The following NTN4 variants were observed in gnomAD, a reference collection of about 807,000 sequenced individuals.
NTN4 encodes the protein netrin-4.
In NTN4, 32 loss-of-function variants were observed where a neutral mutation model predicts 73.6. That is an observed-to-expected ratio of 0.44 (90% CI 0.33 to 0.58). The LOEUF is 0.58. Among genes scored for constraint, NTN4 ranks in the 20% least tolerant of loss-of-function variants. The pLI is 0.04. For synonymous variants in NTN4, 258 were observed against 287.5 expected (o/e 0.90, Z 1.04); for missense variants, 654 against 798.3 (o/e 0.82, Z 2.18).
At chr12:95,672,746 A>G in intron 7 of NTN4, 1 of 1,374,940 alleles carries the variant, frequency 7.3e-7, no homozygotes, top group Non-Finnish European at 1.0e-6. Flanking sequence ...CTCACAGATG[A>G]TCAGCTATCC....
chr12:95,779,780 T>C (rs1477775708), intron 2 of NTN4, among the ~76,000 whole-genome samples: 1 of 152,204 alleles, frequency 6.6e-6, no homozygotes, highest in Non-Finnish European at 1.5e-5. Flanking sequence ...TACCAATGAC[T>C]TTCTTCACAA....
intron 5 of NTN4, among the ~76,000 whole-genome samples, chr12:95,703,934 A>C (rs903661279): frequency 2.0e-5 from 3 of 152,158 alleles, no homozygotes; most frequent in Non-Finnish European, 4.4e-5. Context: ...AACCTTAAAA[A>C]AAAATTTTTA....
At chr12:95,710,139 G>T (rs2121082022) in intron 5 of NTN4, among the ~76,000 whole-genome samples, 1 of 152,246 alleles carries the variant, frequency 6.6e-6, no homozygotes, top group East Asian at 1.9e-4. Flanking sequence ...ATCTTAAATA[G>T]CTCTCCCTCT....
At position 95,790,043 on chromosome 12, in the gene NTN4, C is replaced by G; in HGVS notation, c.55+212G>C. On this transcript the variant is annotated intron_variant, in intron 1 of 9. Transcript: ENST00000343702. This position sits in a 1 kb window ranked among gnomAD's most constrained non-coding sequence, Gnocchi z 6.5. ...GGGCGCACCCAGGATAGCTGGTTATCCAAGCGCATGTGTATCCCAGTTGTA... is the reference window on the plus strand; with the variant it reads ...GGGCGCACCCAGGATAGCTGGTTATGCAAGCGCATGTGTATCCCAGTTGTA... 1 of 449,698 alleles carries G rather than the reference C, an allele frequency of 2.2e-6. No homozygotes were observed. The highest frequency in any genetic ancestry group is 4.0e-6 in the Non-Finnish European group (1 of 250,380). The allele number at this position is 449,698 out of a possible 1,614,324, so 27.9% of individuals were successfully genotyped here. A position where few individuals can be genotyped will look rare whatever the true frequency, so the allele number is the denominator to read the frequency against.
chr12:95,710,414 A>T, intron 5 of NTN4, 27 bp downstream of exon 5: 2 of 1,586,708 alleles, frequency 1.3e-6, no homozygotes, highest in Non-Finnish European at 1.7e-6. Context: ...AAATCAGCCT[A>T]TTTTCTGGAA....
rs2078328802 is a variant in NTN4 at position 95,682,768 on chromosome 12, A to G, written c.1449T>C (p.Asn483=). The change falls in exon 7 of 10, where the codon AAT becomes AAC. Residue 483 remains asparagine (N), a synonymous_variant. Coordinates refer to ENST00000343702, the MANE Select transcript of NTN4 (RefSeq NM_021229.4). ...CCCACTCCCAGGCTGGTTCGCTCTTATTGTGCACGGGACGGAAGTCAGGAA... is the reference window on the plus strand; with the variant it reads ...CCCACTCCCAGGCTGGTTCGCTCTTGTTGTGCACGGGACGGAAGTCAGGAA... ...HEVPDFRPVH[N]KSEPAWEWED... The G allele has an allele frequency of 1.9e-6, 3 of 1,613,858 alleles. No homozygotes were observed. The highest frequency in any genetic ancestry group is 3.3e-4 in the Middle Eastern group (2 of 6,062).
intron 1 of NTN4, among the ~76,000 whole-genome samples, chr12:95,788,550 C>T (rs754520630): frequency 4.6e-5 from 7 of 152,008 alleles, no homozygotes; most frequent in Non-Finnish European, 7.4e-5. Flanking sequence ...GAAATCAACC[C>T]TTAAATTCTG....
At chr12:95,666,113 T>C in intron 8 of NTN4, 133 bp from the exon 9 acceptor site, 2 of 685,968 alleles carry the variant, frequency 2.9e-6, no homozygotes, top group Non-Finnish European at 4.7e-6. Flanking sequence ...GCTTTAAAAA[T>C]CATTAGGCAT....
rs1452982789 is a variant in NTN4, at chr12:95,682,737, C to T, written c.1480G>A (p.Ala494Thr). Residue 494 changes from alanine (A) to threonine (T), a missense_variant, in exon 7 of 10, where the codon GCG (alanine) becomes ACG (threonine). Transcript: ENST00000343702. ...TGTAGAAGTGCAGAAAACCCCTGCGCATCCTCCCACTCCCAGGCTGGTTCG... is the reference window on the plus strand; with the variant it reads ...TGTAGAAGTGCAGAAAACCCCTGCGTATCCTCCCACTCCCAGGCTGGTTCG... ...KSEPAWEWED[A>T]QGFSALLHSG... 4.3e-6 allele frequency: 7 copies of T among 1,613,536 alleles called. No individual in the cohort carries two copies. In the East Asian group the frequency reaches 1.6e-4, roughly 36 times the overall value.
chr12:95,692,054 G>A (rs888467173), intron 5 of NTN4, among the ~76,000 whole-genome samples: 98 of 151,898 alleles, frequency 6.5e-4, no homozygotes, highest in Middle Eastern at 3.4e-3. Context: ...TTTTTGGGGG[G>A]GACAGAGTTT....
At chr12:95,735,926 TTTA>T (rs2121169725) in intron 3 of NTN4, among the ~76,000 whole-genome samples, 1 of 144,970 alleles carries the variant, frequency 6.9e-6, no homozygotes, top group Non-Finnish European at 1.5e-5. Context: ...TATTTATTTA[TTTA>T]TTTATTTATT....
intron 5 of NTN4, among the ~76,000 whole-genome samples, chr12:95,693,833 C>T (rs928781545): frequency 7.2e-5 from 11 of 151,734 alleles, no homozygotes; most frequent in African/African-American, 2.7e-4. Context: ...ATCTATGGTC[C>T]TGCTGCCCTG....
intron 3 of NTN4, among the ~76,000 whole-genome samples, chr12:95,715,602 G>C (rs1263405615): frequency 1.3e-5 from 2 of 152,062 alleles, no homozygotes; most frequent in Non-Finnish European, 2.9e-5. Flanking sequence ...ACACATCCAG[G>C]CAAGCTCTAA....
At position 95,769,030 on chromosome 12, in the gene NTN4, T is replaced by G. The variant is rs147238170; in HGVS notation, c.585+17909A>C. On this transcript the variant is annotated intron_variant, in intron 2 of 9. Coordinates refer to ENST00000343702, the MANE Select transcript of NTN4 (RefSeq NM_021229.4). ...CTTTAGCTGAGAGTCAGCAGGGGGT[T>G]TGCAGAGATGTCAGGGAGAAGAGAG... 3.3e-5 allele frequency among the ~76,000 whole-genome samples: 5 copies of G among 152,242 alleles called. No individual in the cohort carries two copies. In the East Asian group the frequency reaches 9.7e-4, roughly 29 times the overall value.
chr12:95,670,877 A>G (rs901491248), intron 7 of NTN4: 1 of 150,472 alleles, frequency 6.6e-6, no homozygotes, highest in Non-Finnish European at 1.5e-5. Context: ...TAAATTATAT[A>G]TTGCCACTAT....
chr12:95,670,042 T>C (rs145820000), intron 8 of NTN4, 36 bp downstream of exon 8: 17 of 1,305,490 alleles, frequency 1.3e-5, no homozygotes, highest in Non-Finnish European at 1.6e-5. Flanking sequence ...TTAGTGTGAA[T>C]AGGTTCTCAG....
At chr12:95,737,780 A>T in intron 3 of NTN4, 86 bp downstream of exon 3, 1 of 1,328,006 alleles carries the variant, frequency 7.5e-7, no homozygotes, top group Non-Finnish European at 1.0e-6. Flanking sequence ...AATCAGCAGC[A>T]CTATGTTAAG....
chr12:95,713,264 G>A lies in NTN4; in HGVS notation c.939C>T (p.Asp313=). Residue 313 remains aspartate (D), a synonymous_variant, in exon 4 of 10, where the codon GAC becomes GAT. Transcript: ENST00000343702. ...TGCCATCAGCTGCCTCCCATGGCCG[G>A]TCATTGTATAACGGGGCACAGTGCT... is the stretch of plus-strand genomic sequence containing the variant. ...HCQHCAPLYN[D]RPWEAADGKT... The A allele has an allele frequency of 3.7e-6, 6 of 1,613,586 alleles. No individual in the cohort carries two copies. The highest frequency in any genetic ancestry group is 5.1e-6 in the Non-Finnish European group (6 of 1,179,568).
intron 2 of NTN4, among the ~76,000 whole-genome samples, chr12:95,743,874 G>C (rs2078843336): frequency 6.6e-6 from 1 of 152,086 alleles, no homozygotes; most frequent in East Asian, 1.9e-4. Context: ...TTGAAGCCCT[G>C]TTGTTGGGTA....
Sources: allele counts gnomAD v4.1 joint callset (sites outside exome capture counted in the v4.1 genomes callset), GRCh38; gene constraint gnomAD v4.1.1; non-coding constraint Gnocchi (gnomAD v3.1); transcripts MANE v1.5; gene names NCBI Gene and HGNC (gene_info 2026-07-23, HGNC 2026-07-21).